The following TENM3 variants were observed in gnomAD, a reference collection of about 807,000 sequenced individuals.
The protein encoded by TENM3 is teneurin transmembrane protein 3, also known as teneurin-3.
In TENM3, 63 loss-of-function variants were observed where a neutral mutation model predicts 255.1. The observed-to-expected ratio is 0.25, with a 90% CI of 0.20 to 0.30. TENM3 has a LOEUF of 0.30. Ranked by LOEUF, TENM3 falls within the 10% of genes least tolerant of loss-of-function variation. TENM3 has a pLI of 1.00. For synonymous variants in TENM3, 1,306 were observed against 1,322.3 expected, an observed-to-expected ratio of 0.99 and a Z score of 0.27; for missense variants, 2,929 against 3,461.1, an observed-to-expected ratio of 0.85 and a Z score of 3.86.
Position 182,717,064 on chromosome 4 carries a change from A to AGAG in TENM3, c.2368+2832_2368+2833insAGG, listed in dbSNP as rs1554021096. Among the ~76,000 whole-genome samples the AGAG allele has an allele frequency of 9.9e-5, 15 of 151,662 alleles. No individual in the cohort carries two copies. The South Asian group carries it at 3.1e-3, about 32-fold the overall frequency. On this transcript the variant is annotated intron_variant, in intron 13 of 27. Transcript: ENST00000511685. Reference sequence around the variant, plus strand: ...TGCGTACCATTCCCGGAACTAAAGAAGTATCAAAAAATTTTAAAAGAGACA... The same window carrying AGAG: ...TGCGTACCATTCCCGGAACTAAAGAAGAGGTATCAAAAAATTTTAAAAGAGACA...
At chr4:182,529,106 A>G (rs549775342) in intron 3 of TENM3, among the ~76,000 whole-genome samples, 2 of 152,314 alleles carry the variant, frequency 1.3e-5, no homozygotes, top group South Asian at 4.1e-4. Context: ...TTCTATTCCT[A>G]TCATTCTGAA....
chr4:181,678,644 A>C, the TENM3 span, among the ~76,000 whole-genome samples: 2 of 152,114 alleles, frequency 1.3e-5, no homozygotes, highest in African/African-American at 4.8e-5. Context: ...GTTTAAAATA[A>C]AAGTATCATT....
At chr4:182,787,714 G>A (rs180894120) in intron 24 of TENM3, among the ~76,000 whole-genome samples, 202 of 120,282 alleles carry the variant, frequency 1.7e-3, no homozygotes, top group Admixed American at 3.4e-3. Context: ...CAGCCTGGGC[G>A]ACAAGGGCAA....
the TENM3 span, among the ~76,000 whole-genome samples, chr4:181,639,413 G>A: frequency 1.3e-5 from 2 of 152,136 alleles, no homozygotes; most frequent in African/African-American, 4.8e-5. Context: ...GCAGCACTAT[G>A]TCACCATCAT....
At chr4:182,132,374 C>G in the TENM3 span, among the ~76,000 whole-genome samples, 16 of 151,908 alleles carry the variant, frequency 1.1e-4, no homozygotes, top group African/African-American at 3.9e-4. Context: ...ATCCCAGCTA[C>G]TTGGGAGGCT....
intron 3 of TENM3, among the ~76,000 whole-genome samples, chr4:182,415,871 T>G (rs1430806366): frequency 6.6e-6 from 1 of 152,208 alleles, no homozygotes; most frequent in Non-Finnish European, 1.5e-5. Flanking sequence ...AGAGTGCAGT[T>G]ATACTGAGCT....
chr4:181,618,409 G>A, the TENM3 span, among the ~76,000 whole-genome samples: 23 of 152,308 alleles, frequency 1.5e-4, no homozygotes, highest in African/African-American at 5.1e-4. Flanking sequence ...TGCTGGAAAA[G>A]GCAGTCAAGG....
At chr4:182,774,855 C>T in intron 23 of TENM3, 63 bp from the exon 24 acceptor site, 1 of 1,224,110 alleles carries the variant, frequency 8.2e-7, no homozygotes, top group African/African-American at 1.5e-5. Flanking sequence ...TATCTCACGG[C>T]ACAACCGGCC....
chr4:181,573,398 C>A, the TENM3 span, among the ~76,000 whole-genome samples: 3 of 152,092 alleles, frequency 2.0e-5, no homozygotes, highest in East Asian at 5.8e-4. Context: ...TCCTGGCCAG[C>A]ACTGCCTGTC....
In TENM3 at chr4:182,368,273, GTAGGATTATGA is replaced by G. The variant is rs553536327; in HGVS notation, c.511+21348_511+21358del. Among the ~76,000 whole-genome samples, 28 of 152,310 alleles carry G rather than the reference GTAGGATTATGA, an allele frequency of 1.8e-4. No individual in the cohort carries two copies. In the South Asian group the frequency reaches 5.6e-3, roughly 30 times the overall value. ...GCAGGATGGTGCAAGGAAGTAGGCT[GTAGGATTATGA>G]TAGTAAACCGTATTCCCCTCCACCT... is the stretch of plus-strand genomic sequence containing the variant. On this transcript the variant is annotated intron_variant, in intron 3 of 27. Coordinates refer to ENST00000511685, the MANE Select transcript of TENM3 (RefSeq NM_001080477.4).
the TENM3 span, among the ~76,000 whole-genome samples, chr4:181,600,715 C>T: frequency 6.6e-6 from 1 of 151,868 alleles, no homozygotes; most frequent in Non-Finnish European, 1.5e-5. Context: ...GCCGTAGACA[C>T]ACACCCACTC....
chr4:182,528,947 A>G (rs187592693), intron 3 of TENM3, among the ~76,000 whole-genome samples: 27 of 152,378 alleles, frequency 1.8e-4, no homozygotes, highest in Admixed American at 1.1e-3. Flanking sequence ...CTTTGATTGT[A>G]GAAGTTCAGA....
chr4:181,507,286 C>T, the TENM3 span, among the ~76,000 whole-genome samples: 8 of 152,288 alleles, frequency 5.3e-5, no homozygotes, highest in Non-Finnish European at 8.8e-5. Context: ...CTCAAAAAGC[C>T]TTCAGGGTGA....
At chr4:181,519,951 T>G in the TENM3 span, among the ~76,000 whole-genome samples, 1 of 152,350 alleles carries the variant, frequency 6.6e-6, no homozygotes, top group East Asian at 1.9e-4. Context: ...ATGCAAGATT[T>G]AGAATTGCTC....
chr4:182,370,919 T>C (rs1766762331), intron 3 of TENM3, among the ~76,000 whole-genome samples: 1 of 152,168 alleles, frequency 6.6e-6, no homozygotes, highest in African/African-American at 2.4e-5. Flanking sequence ...AGAGACAAAC[T>C]CAACTAGGTA....
At chr4:181,820,149 G>A in the TENM3 span, 1 of 152,110 alleles carries the variant, frequency 6.6e-6, no homozygotes, top group African/African-American at 2.4e-5. Flanking sequence ...GGGGTGTGAG[G>A]CATCTAGGGA....
chr4:182,550,828 G>A (rs1045582092), intron 3 of TENM3, among the ~76,000 whole-genome samples: 2 of 152,128 alleles, frequency 1.3e-5, no homozygotes, highest in Admixed American at 6.5e-5. Flanking sequence ...TGAGGCGTTG[G>A]GATTGGGAAG....
intron 2 of TENM3, among the ~76,000 whole-genome samples, chr4:182,325,894 C>T (rs896716392): frequency 1.3e-5 from 2 of 152,186 alleles, no homozygotes; most frequent in Admixed American, 6.5e-5. Context: ...GCAGCACAGA[C>T]GATGCCTACA....
upstream of TENM3, among the ~76,000 whole-genome samples, chr4:182,242,024 T>G (rs989007006): frequency 6.9e-6 from 1 of 144,968 alleles, no homozygotes; most frequent in East Asian, 2.0e-4. Context: ...TCCTCTCTCT[T>G]TTTTTTTTTT....
Sources: allele counts gnomAD v4.1 joint callset (sites outside exome capture counted in the v4.1 genomes callset), GRCh38; gene constraint gnomAD v4.1.1; transcripts MANE v1.5; gene names NCBI Gene and HGNC (gene_info 2026-07-23, HGNC 2026-07-21).